The following TANC1 variants were observed in gnomAD, a reference collection of about 807,000 sequenced individuals.
TANC1 encodes tetratricopeptide repeat, ankyrin repeat and coiled-coil containing 1, also known as protein TANC1.
In TANC1, 77 loss-of-function variants were observed where a neutral mutation model predicts 149.7. The ratio of observed to expected loss-of-function variants is 0.51; its 90% CI spans 0.43 to 0.62. TANC1 has a LOEUF of 0.62. Among genes scored for constraint, TANC1 ranks in the 20% least tolerant of loss-of-function variants. The pLI is 0.00. For missense variants in TANC1, 1,985 were observed against 2,321.8 expected (o/e 0.85, Z 2.98); for synonymous variants, 854 against 925.0 (o/e 0.92, Z 1.39).
intron 4 of TANC1, among the ~76,000 whole-genome samples, chr2:159,099,938 G>A (rs1360493908): frequency 6.6e-6 from 1 of 152,268 alleles, no homozygotes; most frequent in East Asian, 1.9e-4. Flanking sequence ...AATAAAGTCT[G>A]CCCTACTATG....
At chr2:159,145,758 T>C (rs1480507734) in intron 5 of TANC1, among the ~76,000 whole-genome samples, 2 of 152,194 alleles carry the variant, frequency 1.3e-5, no homozygotes, top group African/African-American at 2.4e-5. Flanking sequence ...CGCTATGTAA[T>C]ACTGAGGGTT....
At chr2:159,203,208 T>TC (rs2058362935) in intron 19 of TANC1, among the ~76,000 whole-genome samples, 1 of 81,502 alleles carries the variant, frequency 1.2e-5, no homozygotes, top group Non-Finnish European at 4.0e-5. Context: ...GCTTTTCTTT[T>TC]CTTTTTTTTT....
intron 1 of TANC1, among the ~76,000 whole-genome samples, chr2:158,975,004 G>A (rs1348327155): frequency 6.7e-6 from 1 of 148,606 alleles, no homozygotes; most frequent in East Asian, 2.0e-4. Flanking sequence ...TCCTGCCTTG[G>A]CCTCTCAAAG....
rs1274155838 is a variant in TANC1, at chr2:159,149,165, A to G, written c.388A>G (p.Ser130Gly). The change falls in exon 6 of 27, where the codon AGC becomes GGC. Residue 130 changes from serine to glycine, a missense_variant. By Grantham distance (56) the Ser-to-Gly change is moderately conservative. Transcript: ENST00000263635. ...AGAAGCAAAGGCCGATAATGAACCG[A>G]GCTGTTCGCCGGCAGCTCAAGAACT... ...EHEAKADNEPSCSPAAQELLT... is the reference protein window; with the variant it reads ...EHEAKADNEPGCSPAAQELLT... The G allele has an allele frequency of 1.2e-6, 2 of 1,608,714 alleles. No individual in the cohort carries two copies.
chr2:159,199,509 C>G lies in TANC1; in HGVS notation c.3244+456C>G, dbSNP rs189295695. Among the ~76,000 whole-genome samples the G allele has an allele frequency of 3.7e-4, 57 of 152,342 alleles. No homozygotes were observed. The East Asian group carries it at 0.01, about 28-fold the overall frequency. ...TGTACAGAATGAGGGTAAAACTCAG[C>G]CTCGTGGGGTTTACTCACATTACCG... On this transcript the variant is annotated intron_variant, in intron 19 of 26. Transcript: ENST00000263635.
At chr2:159,019,651 C>CTTTTTTT (rs2038620199) in intron 2 of TANC1, among the ~76,000 whole-genome samples, 1 of 61,280 alleles carries the variant, frequency 1.6e-5, no homozygotes, top group Non-Finnish European at 3.4e-5. Context: ...TGCTTTCTTT[C>CTTTTTTT]TGTTTTTTTT....
intron 7 of TANC1, among the ~76,000 whole-genome samples, chr2:159,155,255 A>G (rs557919471): frequency 4.5e-4 from 69 of 152,212 alleles, no homozygotes; most frequent in Non-Finnish European, 7.5e-4. Flanking sequence ...AGAAGAAACA[A>G]AGAAAACCCA....
rs771622179 is a variant in TANC1 at position 159,193,264 on chromosome 2, G to A, written c.2743-993G>A. Among the ~76,000 whole-genome samples, 50 of 152,178 alleles carry A rather than the reference G, an allele frequency of 3.3e-4. No individual in the cohort carries two copies. In the Middle Eastern group the frequency reaches 0.017, roughly 52 times the overall value. The stretch of plus-strand genomic sequence containing the variant: ...CTTGCTTCACTTATTTCACTTCCCC[G>A]AGGTTTACCCATGTTGTCACATATG... On this transcript the variant is annotated intron_variant, in intron 16 of 26. Transcript: ENST00000263635.
intron 4 of TANC1, among the ~76,000 whole-genome samples, chr2:159,131,875 A>G (rs529232076): frequency 1.3e-5 from 2 of 152,368 alleles, no homozygotes; most frequent in African/African-American, 4.8e-5. Flanking sequence ...ACAGTTGTTT[A>G]TATTCACTTA....
chr2:159,023,927 C>G (rs2039041028), intron 2 of TANC1, among the ~76,000 whole-genome samples: 1 of 150,730 alleles, frequency 6.6e-6, no homozygotes, highest in Non-Finnish European at 1.5e-5. Context: ...AAGATCGTGC[C>G]ACTGCACTCC....
intron 2 of TANC1, among the ~76,000 whole-genome samples, chr2:159,047,959 A>G (rs1006732502): frequency 6.6e-6 from 1 of 152,222 alleles, no homozygotes; most frequent in African/African-American, 2.4e-5. Flanking sequence ...TATATGTTTC[A>G]TGCTAGGTAT....
At chr2:159,040,113 C>T (rs148858933) in intron 2 of TANC1, among the ~76,000 whole-genome samples, 14,739 of 152,158 alleles carry the variant, frequency 0.097, 735 homozygotes, top group Non-Finnish European at 0.11. Flanking sequence ...TAATGGCCTT[C>T]GTTGTCTCTT....
At chr2:159,186,077 A>C (rs1206708177) in intron 15 of TANC1, among the ~76,000 whole-genome samples, 178 bp downstream of exon 15, 1 of 152,086 alleles carries the variant, frequency 6.6e-6, no homozygotes, top group Non-Finnish European at 1.5e-5. Flanking sequence ...CAGCCTGGGC[A>C]TTTCCTTGCA....
intron 1 of TANC1, among the ~76,000 whole-genome samples, chr2:158,975,419 C>G (rs1374119162): frequency 1.3e-5 from 2 of 152,078 alleles, no homozygotes; most frequent in Admixed American, 6.5e-5. Context: ...ATTAAGCCAT[C>G]AATTTTAGTA....
At chr2:159,027,854 A>T (rs1015761514) in intron 2 of TANC1, among the ~76,000 whole-genome samples, 1 of 152,184 alleles carries the variant, frequency 6.6e-6, no homozygotes, top group African/African-American at 2.4e-5. Flanking sequence ...TGGTGCTGGC[A>T]TCTGCTTAGC....
chr2:159,046,391 A>C (rs545378238), intron 2 of TANC1, among the ~76,000 whole-genome samples: 1 of 152,150 alleles, frequency 6.6e-6, no homozygotes, highest in Non-Finnish European at 1.5e-5. Flanking sequence ...CTGACCCTAC[A>C]GATGGCCTGT....
chr2:159,017,563 A>T (rs1443593692), intron 2 of TANC1, among the ~76,000 whole-genome samples: 4 of 152,148 alleles, frequency 2.6e-5, no homozygotes, highest in Non-Finnish European at 5.9e-5. Context: ...GACTGGATAT[A>T]CCTGTTTTGT....
At chr2:158,989,447 G>T (rs1013006268) in intron 1 of TANC1, among the ~76,000 whole-genome samples, 3 of 150,602 alleles carry the variant, frequency 2.0e-5, no homozygotes, top group Admixed American at 6.6e-5. Flanking sequence ...TCTACTAAAA[G>T]TTAAAAAAAA....
At chr2:159,212,845 A>G (rs2059081165) in intron 19 of TANC1, among the ~76,000 whole-genome samples, 1 of 151,434 alleles carries the variant, frequency 6.6e-6, no homozygotes, top group East Asian at 1.9e-4. Context: ...GCGTGAACCC[A>G]AGAGGCGGAG....
Sources: gnomAD v4.1 joint callset for allele counts (sites outside exome capture counted in the v4.1 genomes callset) on GRCh38, gnomAD v4.1.1 for gene constraint, MANE v1.5 for transcripts, NCBI Gene and HGNC (gene_info 2026-07-23, HGNC 2026-07-21) for gene names.